IL1RAPL1: variants seen among roughly 807,000 people sequenced by gnomAD.
IL1RAPL1 encodes interleukin 1 receptor accessory protein like 1.
IL1RAPL1 carries 3 observed loss-of-function variants against 48.4 expected under a neutral mutation model. The observed-to-expected ratio is 0.06, with a 90% CI of 0.03 to 0.16. The LOEUF (loss-of-function observed/expected upper bound fraction) is 0.16, where lower values mean the gene tolerates loss of function less well. IL1RAPL1 is among the 10% of genes least tolerant of loss of function. The pLI is 1.00. For missense variants in IL1RAPL1, 349 were observed against 530.6 expected (o/e 0.66, Z 3.36); for synonymous variants, 185 against 187.7 (o/e 0.99, Z 0.12).
chrX:29,091,733 ATAT>A lies in IL1RAPL1; in HGVS notation c.83-191202_83-191200del, dbSNP rs1436017107. Among the ~76,000 whole-genome samples the A allele has an allele frequency of 2.7e-5, 3 of 111,494 alleles. No individual in the cohort carries two copies. In the East Asian group the frequency reaches 8.4e-4, roughly 31 times the overall value. On this transcript the variant is annotated intron_variant, in intron 2 of 10. Transcript: ENST00000378993. ...GGGAGTACACATATTATTTCAAATA[ATAT>A]TAATACTAAGAGGCTCAGAAGTGCC...
chrX:29,313,689 G>C (rs1932756100), intron 3 of IL1RAPL1, among the ~76,000 whole-genome samples: 1 of 111,786 alleles, frequency 8.9e-6, no homozygotes, highest in Non-Finnish European at 1.9e-5. Context: ...GCAATGCATA[G>C]TGCAGCCAAT....
intron 6 of IL1RAPL1, among the ~76,000 whole-genome samples, chrX:29,878,027 CAAAT>C (rs1157353681): frequency 8.9e-6 from 1 of 111,916 alleles, no homozygotes; most frequent in East Asian, 2.8e-4. Flanking sequence ...ACAAAATAAA[CAAAT>C]AAATAATACT....
intron 2 of IL1RAPL1, among the ~76,000 whole-genome samples, chrX:29,112,131 T>C (rs987948804): frequency 1.8e-5 from 2 of 110,062 alleles, no homozygotes; most frequent in Admixed American, 1.9e-4. Context: ...GGTTTCACCA[T>C]GTTGGCCAGG....
At chrX:28,966,675 T>C (rs1924928685) in intron 2 of IL1RAPL1, among the ~76,000 whole-genome samples, 1 of 112,034 alleles carries the variant, frequency 8.9e-6, no homozygotes, top group Non-Finnish European at 1.9e-5. Context: ...TATACAGCTG[T>C]AGATATTGAA....
intron 6 of IL1RAPL1, among the ~76,000 whole-genome samples, chrX:29,708,644 T>C (rs1476020170): frequency 8.9e-6 from 1 of 112,307 alleles, no homozygotes; most frequent in Admixed American, 9.5e-5. Flanking sequence ...TTTGGTTCCA[T>C]ATGTTGGCTA....
At chrX:28,902,387 T>C (rs1411023403) in intron 2 of IL1RAPL1, among the ~76,000 whole-genome samples, 2 of 95,918 alleles carry the variant, frequency 2.1e-5, no homozygotes, top group African/African-American at 7.7e-5. Flanking sequence ...GAAGTTGTCA[T>C]TGGAACTTCT....
chrX:29,884,277 C>T (rs189003371), intron 6 of IL1RAPL1, among the ~76,000 whole-genome samples: 12 of 111,309 alleles, frequency 1.1e-4, no homozygotes, highest in Admixed American at 2.9e-4. Flanking sequence ...CAATAGGTAG[C>T]GTATAATATG....
At chrX:28,774,789 T>C (rs1319150331) in intron 1 of IL1RAPL1, among the ~76,000 whole-genome samples, 1 of 111,524 alleles carries the variant, frequency 9.0e-6, no homozygotes, top group Non-Finnish European at 1.9e-5. Flanking sequence ...TCAAACTTTA[T>C]CCAAAACAAA....
chrX:28,765,858 C>A (rs1216028175), intron 1 of IL1RAPL1, among the ~76,000 whole-genome samples: 1 of 111,456 alleles, frequency 9.0e-6, no homozygotes, highest in African/African-American at 3.3e-5. Flanking sequence ...TTTCAATATT[C>A]TTTCTGGGCA....
intron 6 of IL1RAPL1, among the ~76,000 whole-genome samples, chrX:29,735,673 C>T (rs1928025732): frequency 8.9e-6 from 1 of 112,202 alleles, no homozygotes; most frequent in Non-Finnish European, 1.9e-5. Context: ...ATGCTTCTGT[C>T]ATCCCAAGCT....
chrX:29,110,137 C>G (rs1928532004), intron 2 of IL1RAPL1, among the ~76,000 whole-genome samples: 1 of 111,944 alleles, frequency 8.9e-6, no homozygotes, highest in African/African-American at 3.2e-5. Context: ...CAAAAAGGTA[C>G]TTAACATTGC....
intron 5 of IL1RAPL1, among the ~76,000 whole-genome samples, chrX:29,621,149 A>G (rs950586787): frequency 8.9e-6 from 1 of 112,022 alleles, no homozygotes; most frequent in African/African-American, 3.2e-5. Flanking sequence ...AATGTACTTC[A>G]AGTGGTTACA....
chrX:28,877,916 A>C (rs775179297), intron 2 of IL1RAPL1, among the ~76,000 whole-genome samples: 11 of 112,371 alleles, frequency 9.8e-5, no homozygotes, highest in Non-Finnish European at 1.9e-4. Flanking sequence ...CTGTCAAATA[A>C]ATATTATGCT....
chrX:29,772,343 A>G (rs773980024), intron 6 of IL1RAPL1, among the ~76,000 whole-genome samples: 1 of 111,409 alleles, frequency 9.0e-6, no homozygotes, highest in East Asian at 2.8e-4. Flanking sequence ...GAATCTGACC[A>G]AAGAGTATCT....
chrX:29,094,585 C>G (rs1286461989), intron 2 of IL1RAPL1, among the ~76,000 whole-genome samples: 17 of 80,371 alleles, frequency 2.1e-4, no homozygotes, highest in African/African-American at 7.5e-4. Flanking sequence ...TGATGAAACT[C>G]TATCTCTACT....
At chrX:29,738,855 A>C (rs980916112) in intron 6 of IL1RAPL1, among the ~76,000 whole-genome samples, 10 of 112,086 alleles carry the variant, frequency 8.9e-5, no homozygotes, top group African/African-American at 3.2e-4. Context: ...TGGGATAAAA[A>C]CAAATTATTT....
At chrX:28,683,508 TAA>T (rs2146921121) in intron 1 of IL1RAPL1, among the ~76,000 whole-genome samples, 1 of 111,883 alleles carries the variant, frequency 8.9e-6, no homozygotes, top group East Asian at 2.8e-4. Flanking sequence ...GAGACTGGTT[TAA>T]AGTTACCCAG....
chrX:28,810,432 A>T (rs1936781019), intron 2 of IL1RAPL1, among the ~76,000 whole-genome samples: 2 of 110,868 alleles, frequency 1.8e-5, no homozygotes, highest in African/African-American at 6.5e-5. Context: ...CATAGAGCTG[A>T]GAAGTGAAAT....
chrX:29,135,150 C>A lies in IL1RAPL1; in HGVS notation c.83-147788C>A, dbSNP rs373311365. 1.7e-4 allele frequency among the ~76,000 whole-genome samples: 19 copies of A among 111,669 alleles called. No homozygotes were observed. The East Asian group carries it at 5.1e-3, about 30-fold the overall frequency. On this transcript the variant is annotated intron_variant, in intron 2 of 10. Coordinates refer to ENST00000378993, the MANE Select transcript of IL1RAPL1 (RefSeq NM_014271.4). ...GTCCATGTGCTTTGACTGGTTGATG[C>A]ATATTTTAAGTCTCTTTTAATCTAT...
Sources: allele counts gnomAD v4.1 joint callset (sites outside exome capture counted in the v4.1 genomes callset), GRCh38; gene constraint gnomAD v4.1.1; transcripts MANE v1.5; gene names NCBI Gene and HGNC (gene_info 2026-07-23, HGNC 2026-07-21).